The following USH1C variants were observed in gnomAD, a reference collection of about 807,000 sequenced individuals.
The protein encoded by USH1C is USH1 protein network component harmonin, also known as harmonin.
USH1C carries 90 observed loss-of-function variants against 119.3 expected under a neutral mutation model. The observed-to-expected ratio is 0.75, with a 90% CI of 0.64 to 0.90. The LOEUF is 0.90. USH1C is among the 40% of genes least tolerant of loss of function. USH1C has a pLI of 0.00. For synonymous variants in USH1C, 465 were observed against 443.3 expected (o/e 1.05, Z -0.62); for missense variants, 1,165 against 1,167.7 (o/e 1.00, Z 0.03).
intron 4 of USH1C, 64 bp from the exon 5 acceptor site, chr11:17,527,395 A>C: frequency 7.9e-7 from 1 of 1,258,748 alleles, no homozygotes; most frequent in Non-Finnish European, 1.2e-6. Context: ...GGGCAGACTC[A>C]CCACCAGATG....
At chr11:17,528,707 C>T (rs1850825268) in intron 4 of USH1C, among the ~76,000 whole-genome samples, 1 of 152,186 alleles carries the variant, frequency 6.6e-6, no homozygotes, top group Non-Finnish European at 1.5e-5. Flanking sequence ...GTCACCTTCT[C>T]ACTATTCCAA....
At chr11:17,522,960 C>T in intron 11 of USH1C, 34 bp from the exon 12 acceptor site, 2 of 1,602,482 alleles carry the variant, frequency 1.2e-6, no homozygotes, top group Non-Finnish European at 1.7e-6. Context: ...TGCTCAGCCC[C>T]CGGGGAACCT....
Position 17,527,278 on chromosome 11 carries a change from A to T in USH1C, c.441T>A (p.His147Gln), listed in dbSNP as rs769438169. ...INGYSISSCTHEEVINLIRTK... is the reference protein window; with the variant it reads ...INGYSISSCTQEEVINLIRTK... Reference sequence around the variant, plus strand: ...TTCGAATGAGGTTGATGACCTCCTCATGGGTACAGGAGGAGATGGAATATC... The same window carrying T: ...TTCGAATGAGGTTGATGACCTCCTCTTGGGTACAGGAGGAGATGGAATATC... Residue 147 changes from histidine (H) to glutamine (Q), a missense_variant, in exon 5 of 27, where the codon CAT becomes CAA. Coordinates refer to ENST00000005226, the MANE Select transcript of USH1C (RefSeq NM_153676.4). 1 of 1,610,638 alleles carries T rather than the reference A, an allele frequency of 6.2e-7. No individual in the cohort carries two copies. The highest frequency in any genetic ancestry group is 8.5e-7 in the Non-Finnish European group (1 of 1,179,110).
In USH1C at chr11:17,501,398, T is replaced by G. The variant is rs1318532956; in HGVS notation, c.2280+84A>C. 4 of 1,494,402 alleles carry G rather than the reference T, an allele frequency of 2.7e-6. No individual in the cohort carries two copies. The East Asian group carries it at 9.4e-5, about 35-fold the overall frequency. 92.6% of individuals were successfully genotyped at this position (1,494,402 alleles called of 1,614,324 possible). A position where few individuals can be genotyped will look rare whatever the true frequency, so the allele number is the denominator to read the frequency against. The stretch of plus-strand genomic sequence containing the variant: ...CCTGAGAGACCACCCAGGAGTGACC[T>G]TGAGAGTAGAGGCAGGAGACCAAGG... On this transcript the variant is annotated intron_variant, in intron 22 of 26. Coordinates refer to ENST00000005226, the MANE Select transcript of USH1C (RefSeq NM_153676.4).
Position 17,526,784 on chromosome 11 carries a change from T to C in USH1C, c.548A>G (p.Gln183Arg). ...KSSPDEPLTW[Q>R]YVDQFVSESG... ...TTCCGACACAAACTGATCCACATAC[T>C]GCCAAGTGAGGGGCTCATCAGGAGA... The change falls in exon 7 of 27, where the codon CAG becomes CGG. Residue 183 changes from glutamine (Q) to arginine (R), a missense_variant. By Grantham distance (43) the Gln-to-Arg change is conservative. Coordinates refer to ENST00000005226, the MANE Select transcript of USH1C (RefSeq NM_153676.4). 1 of 1,614,116 alleles carries C rather than the reference T, an allele frequency of 6.2e-7. No homozygotes were observed. Among genetic ancestry groups the C allele is most frequent in the South Asian group, 1.1e-5 (1 of 91,072 alleles).
At position 17,495,511 on chromosome 11, in the gene USH1C, G is replaced by A. The variant is rs1317279920; in HGVS notation, c.2655+58C>T. The A allele has an allele frequency of 1.9e-6, 3 of 1,548,430 alleles. No individual in the cohort carries two copies. In the African/African-American group the frequency reaches 4.1e-5, roughly 21 times the overall value. On this transcript the variant is annotated intron_variant, in intron 26 of 26. Transcript: ENST00000005226. Reference sequence around the variant, plus strand: ...GAACCTGCTGACAGCGTGGGCAGCAGATGGCCACTGCAAGCAGCAGGGACA... The same window carrying A: ...GAACCTGCTGACAGCGTGGGCAGCAAATGGCCACTGCAAGCAGCAGGGACA...
chr11:17,526,882 A>T, intron 6 of USH1C, 72 bp from the exon 7 acceptor site: 2 of 1,593,020 alleles, frequency 1.3e-6, no homozygotes, highest in South Asian at 1.1e-5. Flanking sequence ...CCACATCCAG[A>T]TCCACCATGT....
intron 1 of USH1C, among the ~76,000 whole-genome samples, chr11:17,539,652 A>T (rs996859810): frequency 1.3e-5 from 2 of 151,978 alleles, no homozygotes; most frequent in African/African-American, 4.8e-5. Context: ...ATCCAGCCAC[A>T]CTTCTTCCCA....
At position 17,498,286 on chromosome 11, in the gene USH1C, G is replaced by A. The variant is rs201508241; in HGVS notation, c.2381-15C>T. On this transcript the variant is annotated splice_polypyrimidine_tract_variant and intron_variant, in intron 23 of 26. Coordinates refer to ENST00000005226, the MANE Select transcript of USH1C (RefSeq NM_153676.4). ...CACAATGCCACCTGCAGGCAGATGA[G>A]GCTGATTGGCCAACTGGGCTGTATG... 1.2e-6 allele frequency: 2 copies of A among 1,612,990 alleles called. No individual in the cohort carries two copies. The highest frequency in any genetic ancestry group is 2.2e-5 in the East Asian group (1 of 44,874).
intron 8 of USH1C, among the ~76,000 whole-genome samples, chr11:17,525,082 G>A (rs915055643): frequency 6.6e-6 from 1 of 152,154 alleles, no homozygotes; most frequent in Non-Finnish European, 1.5e-5. Context: ...CGGCAAGGAT[G>A]GTACATGTAC....
In USH1C at chr11:17,498,397, G is replaced by A. The variant is rs1053529950; in HGVS notation, c.2381-126C>T. On this transcript the variant is annotated intron_variant, in intron 23 of 26. Transcript: ENST00000005226. ...CTGAGCCTGGGTTCTGAAAGCTCAT[G>A]TGGACTCAGAAAGCATGAGGGGAAA... The A allele has an allele frequency of 2.2e-5, 20 of 904,484 alleles. No individual in the cohort carries two copies. The Middle Eastern group carries it at 6.4e-4, about 29-fold the overall frequency. 56.0% of individuals were successfully genotyped at this position (904,484 alleles called of 1,614,324 possible). A position where few individuals can be genotyped will look rare whatever the true frequency, so the allele number is the denominator to read the frequency against.
rs1554963815 is a variant in USH1C at position 17,533,369 on chromosome 11, C to CG, written c.37-48_37-47insC. On this transcript the variant is annotated intron_variant, in intron 1 of 26. Transcript: ENST00000005226. ...TCACAGCTCCAGGCTCAGCACCCGC[C>CG]CCCATAGCAGACCTCAGGGAGGAGA... is the stretch of plus-strand genomic sequence containing the variant. The CG allele has an allele frequency of 9.4e-6, 13 of 1,380,816 alleles. No individual in the cohort carries two copies. In the African/African-American group the frequency reaches 1.5e-4, roughly 16 times the overall value. The allele number at this position is 1,380,816 out of a possible 1,614,324, so 85.5% of individuals were successfully genotyped here. A position where few individuals can be genotyped will look rare whatever the true frequency, so the allele number is the denominator to read the frequency against.
intron 14 of USH1C, 88 bp from the exon 15 acceptor site, chr11:17,516,378 G>T: frequency 7.7e-7 from 1 of 1,306,676 alleles, no homozygotes; most frequent in Non-Finnish European, 1.1e-6. Context: ...GGTTCCCAAG[G>T]AATGCATGAC....
intron 1 of USH1C, among the ~76,000 whole-genome samples, chr11:17,540,431 C>T (rs1851416115): frequency 6.6e-6 from 1 of 152,038 alleles, no homozygotes; most frequent in African/African-American, 2.4e-5. Context: ...TGTCCTAGGT[C>T]TCCTCTCCAT....
intron 18 of USH1C, among the ~76,000 whole-genome samples, chr11:17,509,013 T>A (rs535646690): frequency 2.0e-5 from 3 of 152,212 alleles, no homozygotes; most frequent in Admixed American, 6.5e-5. Context: ...GACAGAGTGC[T>A]GGCTATTCAT....
intron 1 of USH1C, among the ~76,000 whole-genome samples, chr11:17,540,496 C>T (rs1051367931): frequency 6.6e-6 from 1 of 152,158 alleles, no homozygotes; most frequent in East Asian, 1.9e-4. Flanking sequence ...ATACCACTCA[C>T]ACCCCCAAGG....
chr11:17,516,532 A>G, intron 14 of USH1C: 1 of 552,226 alleles, frequency 1.8e-6, no homozygotes, highest in Non-Finnish European at 3.3e-6. Context: ...GTCACTCTCA[A>G]ATGCCTCTCC....
chr11:17,504,593 G>A, intron 20 of USH1C, 54 bp downstream of exon 20: 1 of 1,588,852 alleles, frequency 6.3e-7, no homozygotes, highest in Non-Finnish European at 8.6e-7. Flanking sequence ...GCACAGAGTG[G>A]GAGGGACGGG....
intron 1 of USH1C, among the ~76,000 whole-genome samples, chr11:17,536,448 G>A (rs1851234398): frequency 6.6e-6 from 1 of 152,182 alleles, no homozygotes; most frequent in African/African-American, 2.4e-5. Flanking sequence ...AGGGTCTAGG[G>A]TTCTGTTTTT....
Sources: gnomAD v4.1 joint callset for allele counts (sites outside exome capture counted in the v4.1 genomes callset) on GRCh38, gnomAD v4.1.1 for gene constraint, MANE v1.5 for transcripts, NCBI Gene and HGNC (gene_info 2026-07-23, HGNC 2026-07-21) for gene names.